Variants in STRADB observed in about 807,000 individuals in gnomAD.
STRADB encodes STE20 related adaptor beta.
STRADB carries 34 observed loss-of-function variants against 52.1 expected under a neutral mutation model. The observed-to-expected ratio is 0.65, with a 90% CI of 0.50 to 0.87. The LOEUF (loss-of-function observed/expected upper bound fraction) is 0.87, where lower values mean the gene tolerates loss of function less well. Among genes scored for constraint, STRADB ranks in the 40% least tolerant of loss-of-function variants. The probability of loss-of-function intolerance (pLI) is 0.00; values close to 1 mark genes in which losing one functional copy is unlikely to be tolerated. For missense variants in STRADB, 340 were observed against 483.9 expected, an observed-to-expected ratio of 0.70 and a Z score of 2.79; for synonymous variants, 133 against 174.5, an observed-to-expected ratio of 0.76 and a Z score of 1.87.
At chr2:201,453,133 C>A (rs1288269682) in intron 1 of STRADB, among the ~76,000 whole-genome samples, 1 of 147,730 alleles carries the variant, frequency 6.8e-6, no homozygotes, top group Non-Finnish European at 1.5e-5. Context: ...AGGCAAAAAT[C>A]TCTGAGATTA....
intron 1 of STRADB, among the ~76,000 whole-genome samples, 182 bp downstream of exon 1, chr2:201,452,120 C>T (rs1288158369): frequency 1.3e-5 from 2 of 152,000 alleles, no homozygotes; most frequent in Admixed American, 6.6e-5. Context: ...AGGTGGCGAG[C>T]AGCCACTGCG....
intron 7 of STRADB, 105 bp from the exon 8 acceptor site, chr2:201,477,514 G>T: frequency 7.0e-6 from 8 of 1,150,164 alleles, no homozygotes; most frequent in Non-Finnish European, 1.0e-5. Context: ...TTTTGTAAAG[G>T]GTATTTAATT....
rs761656808 is a variant in STRADB, at chr2:201,478,491, T to C, written c.960T>C (p.Ser320=). ...TTGGAGAAAGTGTGCTTGTCTCCAG[T>C]GGAACTCACACAGTAAATAGTGACC... is the stretch of plus-strand genomic sequence containing the variant. The part of the protein sequence containing the change: ...SGIGESVLVS[S]GTHTVNSDRL... The change falls in exon 10 of 12, where the codon AGT becomes AGC. Residue 320 remains serine, a synonymous_variant. Transcript: ENST00000194530. 16 of 1,614,020 alleles carry C rather than the reference T, an allele frequency of 9.9e-6. No individual in the cohort carries two copies. The highest frequency in any genetic ancestry group is 1.4e-5 in the Non-Finnish European group (16 of 1,180,012).
intron 3 of STRADB, among the ~76,000 whole-genome samples, chr2:201,468,942 G>A (rs974812643): frequency 6.6e-6 from 1 of 152,112 alleles, no homozygotes; most frequent in Non-Finnish European, 1.5e-5. Context: ...ATTTTGATTT[G>A]TTTTCTCATC....
At chr2:201,469,838 A>G in intron 3 of STRADB, 115 bp from the exon 4 acceptor site, 2 of 719,284 alleles carry the variant, frequency 2.8e-6, no homozygotes, top group Non-Finnish European at 4.8e-6. Context: ...GCCACCTTGC[A>G]GTACCTTCCT....
intron 6 of STRADB, 125 bp from the exon 7 acceptor site, chr2:201,475,494 T>G (rs1252837902): frequency 2.2e-5 from 24 of 1,076,174 alleles, no homozygotes; most frequent in Non-Finnish European, 4.2e-6. Context: ...GGGAAAGTGT[T>G]GTTTGGGTTA....
At chr2:201,463,199 T>G (rs893751613) in intron 3 of STRADB, among the ~76,000 whole-genome samples, 4 of 152,064 alleles carry the variant, frequency 2.6e-5, no homozygotes, top group African/African-American at 4.8e-5. Flanking sequence ...TAGCTGGGCG[T>G]GGTGGCACAC....
chr2:201,476,127 A>G (rs1340631051), intron 7 of STRADB, among the ~76,000 whole-genome samples: 1 of 152,212 alleles, frequency 6.6e-6, no homozygotes, highest in Non-Finnish European at 1.5e-5. Context: ...CATCTTATGC[A>G]TAAATTGGAA....
chr2:201,478,041 T>G, intron 8 of STRADB, 46 bp from the exon 9 acceptor site: 1 of 1,513,332 alleles, frequency 6.6e-7, no homozygotes, highest in Admixed American at 2.0e-5. Flanking sequence ...TAACTTTTGG[T>G]TAACTTATTT....
At chr2:201,465,468 AG>A (rs756553531) in intron 3 of STRADB, among the ~76,000 whole-genome samples, 6 of 152,192 alleles carry the variant, frequency 3.9e-5, no homozygotes, top group Non-Finnish European at 8.8e-5. Flanking sequence ...CTGGTATCCA[AG>A]TTGCAAGACA....
Position 201,478,547 on chromosome 2 carries a change from C to T in STRADB, c.1016C>T (p.Ser339Phe), listed in dbSNP as rs1559469777. ...CACACACCATCCTCAAAAACTTTCT[C>T]TCCTGCCTTCTTTAGCTTGGTACAG... ...RLHTPSSKTF[S>F]PAFFSLVQLC... The change falls in exon 10 of 12, where the codon TCT becomes TTT. Residue 339 changes from serine to phenylalanine, a missense_variant. Transcript: ENST00000194530. The T allele has an allele frequency of 6.2e-7, 1 of 1,613,988 alleles. No homozygotes were observed. The highest frequency in any genetic ancestry group is 1.7e-5 in the Admixed American group (1 of 60,010).
At chr2:201,456,645 C>G (rs1019729188) in intron 2 of STRADB, among the ~76,000 whole-genome samples, 1 of 152,122 alleles carries the variant, frequency 6.6e-6, no homozygotes, top group Non-Finnish European at 1.5e-5. Flanking sequence ...GGATTCCTCC[C>G]CATTCAAGTT....
At chr2:201,467,971 G>GT (rs58449183) in intron 3 of STRADB, among the ~76,000 whole-genome samples, 10,472 of 111,284 alleles carry the variant, frequency 0.094, 466 homozygotes, top group African/African-American at 0.16. Context: ...TTGGTTTTTT[G>GT]TTTTTTTTTT....
chr2:201,451,959 C>G (rs950085031), intron 1 of STRADB, 21 bp downstream of exon 1: 4 of 152,614 alleles, frequency 2.6e-5, no homozygotes, highest in African/African-American at 9.7e-5. Flanking sequence ...GAGGCAGGCC[C>G]GGGAAGGGAA....
At chr2:201,479,186 A>G (rs1434851810) in intron 10 of STRADB, 1 of 235,350 alleles carries the variant, frequency 4.2e-6, no homozygotes, top group African/African-American at 2.3e-5. Context: ...CTAGACATTA[A>G]TTAGCACATT....
chr2:201,456,837 A>T (rs1479443407), intron 2 of STRADB, among the ~76,000 whole-genome samples: 2 of 152,244 alleles, frequency 1.3e-5, no homozygotes, highest in East Asian at 3.8e-4. Context: ...GTTCAGAGGA[A>T]ACCAGGCACA....
intron 4 of STRADB, among the ~76,000 whole-genome samples, chr2:201,472,151 T>C (rs1952399759): frequency 6.6e-6 from 1 of 152,206 alleles, no homozygotes; most frequent in Non-Finnish European, 1.5e-5. Context: ...TATACATTGT[T>C]TGTGGGAATA....
intron 2 of STRADB, among the ~76,000 whole-genome samples, chr2:201,456,159 T>C (rs1471507648): frequency 6.6e-6 from 1 of 152,222 alleles, no homozygotes; most frequent in East Asian, 1.9e-4. Flanking sequence ...AAAGCAGCCA[T>C]AGGCAATATA....
chr2:201,471,584 G>A (rs889366363), intron 4 of STRADB, among the ~76,000 whole-genome samples: 1 of 152,172 alleles, frequency 6.6e-6, no homozygotes, highest in African/African-American at 2.4e-5. Flanking sequence ...TACAGTTAGT[G>A]ATTTGAAACC....
Sources: gnomAD v4.1 joint callset for allele counts (sites outside exome capture counted in the v4.1 genomes callset) on GRCh38, gnomAD v4.1.1 for gene constraint, MANE v1.5 for transcripts, NCBI Gene and HGNC (gene_info 2026-07-23, HGNC 2026-07-21) for gene names.